The following ATP10B variants were observed in gnomAD, a reference collection of about 807,000 sequenced individuals.
The protein encoded by ATP10B is phospholipid-transporting ATPase VB.
In ATP10B, 122 loss-of-function variants were observed where a neutral mutation model predicts 141.2. The ratio of observed to expected loss-of-function variants is 0.86; its 90% confidence interval spans 0.75 to 1.00. The LOEUF is 1.00. Among genes scored for constraint, ATP10B ranks in the 50% least tolerant of loss-of-function variants. ATP10B has a pLI of 0.00. For missense variants in ATP10B, 1,876 were observed against 1,825.3 expected (o/e 1.03, Z -0.51); for synonymous variants, 685 against 692.0 (o/e 0.99, Z 0.16).
chr5:160,910,914 T>A, the ATP10B span, among the ~76,000 whole-genome samples: 3 of 152,272 alleles, frequency 2.0e-5, no homozygotes, highest in East Asian at 1.9e-4. Flanking sequence ...CTCATGAAGG[T>A]TGGTGCCTTT....
chr5:160,721,298 A>G (rs909157043), intron 2 of ATP10B, among the ~76,000 whole-genome samples: 15 of 152,286 alleles, frequency 9.8e-5, no homozygotes, highest in Admixed American at 5.9e-4. Context: ...AAAAGAAAAT[A>G]AGGTTTTGAG....
At chr5:160,764,356 A>G (rs1769255796) in intron 2 of ATP10B, among the ~76,000 whole-genome samples, 1 of 152,198 alleles carries the variant, frequency 6.6e-6, no homozygotes, top group Admixed American at 6.5e-5. Context: ...CAAAAAGATA[A>G]TACACTATCA....
chr5:160,761,408 T>C (rs1769029504), intron 2 of ATP10B, among the ~76,000 whole-genome samples: 1 of 151,698 alleles, frequency 6.6e-6, no homozygotes. Context: ...CAGCCTACAT[T>C]CGCCAGCACC....
upstream of ATP10B, among the ~76,000 whole-genome samples, chr5:160,853,571 T>TAA (rs1753904999): frequency 6.6e-6 from 1 of 152,150 alleles, no homozygotes; most frequent in South Asian, 2.1e-4. Flanking sequence ...ACTTTCCTGG[T>TAA]AAAGAGAGAG....
the ATP10B span, among the ~76,000 whole-genome samples, chr5:160,917,380 CT>C: frequency 6.6e-6 from 1 of 150,754 alleles, no homozygotes; most frequent in African/African-American, 2.5e-5. Flanking sequence ...TCTTCCAAGG[CT>C]TTCCCTGGGC....
intron 11 of ATP10B, among the ~76,000 whole-genome samples, 170 bp from the exon 12 acceptor site, chr5:160,634,776 G>C (rs926400091): frequency 7.2e-5 from 11 of 152,156 alleles, no homozygotes; most frequent in Non-Finnish European, 1.5e-4. Flanking sequence ...AATTCTTAGG[G>C]GAATCTGAAA....
At chr5:160,718,600 A>C (rs1000995617) in intron 2 of ATP10B, among the ~76,000 whole-genome samples, 1 of 152,172 alleles carries the variant, frequency 6.6e-6, no homozygotes, top group Non-Finnish European at 1.5e-5. Flanking sequence ...TGAAGAAGAC[A>C]TAGGGAAAGG....
At position 160,636,320 on chromosome 5, in the gene ATP10B, G is replaced by A; in HGVS notation, c.1001-11C>T. On this transcript the variant is annotated splice_polypyrimidine_tract_variant and intron_variant, in intron 10 of 25. Coordinates refer to ENST00000327245, the MANE Select transcript of ATP10B (RefSeq NM_025153.3). ...TCCAGATGCTGTGACCTGAGAGGAG[G>A]CAAAACCAGGAATGAGGCTGAATCT... The A allele has an allele frequency of 6.2e-7, 1 of 1,610,660 alleles. No individual in the cohort carries two copies. Among genetic ancestry groups the A allele is most frequent in the Admixed American group, 1.7e-5 (1 of 59,402 alleles).
In ATP10B at chr5:160,617,613, T is replaced by C. The variant is rs181393171; in HGVS notation, c.2526+251A>G. Reference sequence around the variant, plus strand: ...ATAACTGAAAAAATGTCATGAGTTGTGTGTTACCCATTACACATATAATGA... The same window carrying C: ...ATAACTGAAAAAATGTCATGAGTTGCGTGTTACCCATTACACATATAATGA... On this transcript the variant is annotated intron_variant, in intron 16 of 25. Coordinates refer to ENST00000327245, the MANE Select transcript of ATP10B (RefSeq NM_025153.3). 1.9e-3 allele frequency among the ~76,000 whole-genome samples: 289 copies of C among 152,332 alleles called. 1 individual carries two copies. The highest frequency in any genetic ancestry group is 6.7e-3 in the African/African-American group (278 of 41,570).
At chr5:160,898,027 T>C in the ATP10B span, among the ~76,000 whole-genome samples, 2 of 152,184 alleles carry the variant, frequency 1.3e-5, no homozygotes, top group Admixed American at 6.5e-5. Context: ...TTACATCTTA[T>C]ACAAAAACTA....
At chr5:160,615,070 C>G (rs927056500) in intron 17 of ATP10B, among the ~76,000 whole-genome samples, 1 of 152,170 alleles carries the variant, frequency 6.6e-6, no homozygotes, top group Non-Finnish European at 1.5e-5. Context: ...CTCAGCATAG[C>G]AATCTAACTT....
chr5:160,584,150 C>A (rs1214041323), intron 24 of ATP10B, among the ~76,000 whole-genome samples: 1 of 152,162 alleles, frequency 6.6e-6, no homozygotes, highest in Non-Finnish European at 1.5e-5. Context: ...TGATTGAAAC[C>A]CAGGGCCCTC....
At chr5:160,762,473 A>G (rs4305674) in intron 2 of ATP10B, among the ~76,000 whole-genome samples, 86,759 of 151,978 alleles carry the variant, frequency 0.57, 25,045 homozygotes, top group Admixed American at 0.64. Flanking sequence ...CTTTATAAAT[A>G]AAGGAGAGAT....
At chr5:160,775,782 G>A (rs1357985115) in intron 2 of ATP10B, among the ~76,000 whole-genome samples, 5 of 147,748 alleles carry the variant, frequency 3.4e-5, no homozygotes, top group Non-Finnish European at 5.9e-5. Context: ...CTGGGTTCAC[G>A]CCATTCTTCT....
intron 2 of ATP10B, among the ~76,000 whole-genome samples, chr5:160,757,092 A>G (rs1768673700): frequency 6.6e-6 from 1 of 152,102 alleles, no homozygotes; most frequent in African/African-American, 2.4e-5. Context: ...ATTCAGGTTT[A>G]TGATCCATTT....
chr5:160,920,169 C>T, the ATP10B span, among the ~76,000 whole-genome samples: 4 of 152,144 alleles, frequency 2.6e-5, no homozygotes, highest in Non-Finnish European at 4.4e-5. Context: ...CACTTACAGT[C>T]GATCGAGCAT....
At chr5:160,791,978 T>C (rs556450812) in intron 1 of ATP10B, among the ~76,000 whole-genome samples, 11 of 152,166 alleles carry the variant, frequency 7.2e-5, no homozygotes, top group Admixed American at 6.5e-4. Context: ...GACCAAAGGC[T>C]CTTCTCTCCC....
chr5:160,603,868 TG>T, intron 20 of ATP10B, 96 bp downstream of exon 20: 1 of 1,022,322 alleles, frequency 9.8e-7, no homozygotes, highest in Non-Finnish European at 1.5e-6. Flanking sequence ...TGGATGTGGG[TG>T]GAAGTTCTCA....
At chr5:160,636,983 TC>T (rs149045770) in intron 10 of ATP10B, among the ~76,000 whole-genome samples, 3 of 92,704 alleles carry the variant, frequency 3.2e-5, no homozygotes, top group African/African-American at 1.4e-4. Flanking sequence ...AATCCCTCCA[TC>T]CACCCACCCA....
Sources: allele counts gnomAD v4.1 joint callset (sites outside exome capture counted in the v4.1 genomes callset), GRCh38; gene constraint gnomAD v4.1.1; transcripts MANE v1.5; gene names NCBI Gene and HGNC (gene_info 2026-07-23, HGNC 2026-07-21).